RYR3: variants seen among roughly 807,000 people sequenced by gnomAD.
RYR3 encodes the protein brain ryanodine receptor-calcium release channel.
RYR3 carries 207 observed loss-of-function variants against 584.3 expected under a neutral mutation model. The ratio of observed to expected loss-of-function variants is 0.35; its 90% CI spans 0.32 to 0.40. The LOEUF is 0.40. Ranked by LOEUF, RYR3 falls within the 10% of genes least tolerant of loss-of-function variation. RYR3 has a pLI of 1.00. For synonymous variants in RYR3, 2,416 were observed against 2,248.5 expected, an observed-to-expected ratio of 1.07 and a Z score of -2.11; for missense variants, 5,616 against 6,089.2, an observed-to-expected ratio of 0.92 and a Z score of 2.59.
At chr15:33,546,603 A>T (rs1417050037) in intron 8 of RYR3, among the ~76,000 whole-genome samples, 1 of 152,224 alleles carries the variant, frequency 6.6e-6, no homozygotes, top group East Asian at 1.9e-4. Context: ...AAACATTTAT[A>T]AAAAACACTT....
chr15:33,319,482 A>G (rs1301301405), intron 1 of RYR3, among the ~76,000 whole-genome samples: 1 of 152,244 alleles, frequency 6.6e-6, no homozygotes, highest in Admixed American at 6.5e-5. Flanking sequence ...CAGGCTGGCT[A>G]GAAGAGAACA....
chr15:33,853,758 C>T (rs2079350114), intron 96 of RYR3, 76 bp downstream of exon 96: 3 of 1,539,724 alleles, frequency 1.9e-6, no homozygotes, highest in African/African-American at 2.7e-5. Flanking sequence ...GAAAAAATCA[C>T]AACCGTGTCT....
At chr15:33,863,944 C>T (rs1189393640) in intron 102 of RYR3, among the ~76,000 whole-genome samples, 194 bp from the exon 103 acceptor site, 1 of 152,120 alleles carries the variant, frequency 6.6e-6, no homozygotes, top group Admixed American at 6.5e-5. Flanking sequence ...CACAAAGTGG[C>T]TAATTTTGAG....
chr15:33,544,734 T>C (rs1249137177), intron 8 of RYR3, among the ~76,000 whole-genome samples: 2 of 152,156 alleles, frequency 1.3e-5, no homozygotes, highest in Non-Finnish European at 2.9e-5. Context: ...TCCTACTTGC[T>C]ATCTACTCTG....
intron 1 of RYR3, among the ~76,000 whole-genome samples, chr15:33,387,003 G>A (rs901355257): frequency 7.2e-5 from 11 of 151,964 alleles, no homozygotes; most frequent in South Asian, 4.2e-4. Context: ...GACTACAGGC[G>A]CCCACCACCA....
rs538713767 is a variant in RYR3 at position 33,774,147 on chromosome 15, G to A, written c.9137+532G>A. 7.6e-4 allele frequency among the ~76,000 whole-genome samples: 116 copies of A among 152,318 alleles called. 1 individual carries two copies. The highest frequency in any genetic ancestry group is 2.9e-3 in the South Asian group (14 of 4,828). On this transcript the variant is annotated intron_variant, in intron 64 of 103. Coordinates refer to ENST00000634891, the MANE Select transcript of RYR3 (RefSeq NM_001036.6). Reference sequence around the variant, plus strand: ...GTCTGAGCAAGCTGACTGCAGAAGCGTGTGGGTTCCAGTTTTGCCTCTCTA... The same window carrying A: ...GTCTGAGCAAGCTGACTGCAGAAGCATGTGGGTTCCAGTTTTGCCTCTCTA...
At chr15:33,336,440 AAGAGAGAGAGAG>A (rs1204873404) in intron 1 of RYR3, among the ~76,000 whole-genome samples, 645 of 12,122 alleles carry the variant, frequency 0.053, 125 homozygotes, top group Non-Finnish European at 0.066. Context: ...GAAAGAAAGA[AAGAGAGAGAGAG>A]AGAGAGAGAG....
chr15:33,711,539 G>A (rs905815968), intron 43 of RYR3, among the ~76,000 whole-genome samples: 4 of 152,130 alleles, frequency 2.6e-5, no homozygotes, highest in East Asian at 3.9e-4. Context: ...CACCGCACCC[G>A]GCTACCAGGC....
intron 43 of RYR3, among the ~76,000 whole-genome samples, chr15:33,719,158 T>A (rs2067714765): frequency 6.6e-6 from 1 of 152,226 alleles, no homozygotes; most frequent in Admixed American, 6.5e-5. Flanking sequence ...GCACTTCAGC[T>A]CCTTCGTCTT....
chr15:33,794,472 A>G (rs1372176160), intron 67 of RYR3, among the ~76,000 whole-genome samples: 1 of 151,092 alleles, frequency 6.6e-6, no homozygotes, highest in African/African-American at 2.4e-5. Context: ...TATCATAATA[A>G]CGTTAGCAGT....
At chr15:33,400,910 A>G (rs2042619136) in intron 1 of RYR3, among the ~76,000 whole-genome samples, 1 of 152,232 alleles carries the variant, frequency 6.6e-6, no homozygotes, top group South Asian at 2.1e-4. Flanking sequence ...TGGGTCAATC[A>G]TACTGACCTA....
chr15:33,599,834 A>G (rs636199), intron 16 of RYR3, among the ~76,000 whole-genome samples: 68,331 of 151,994 alleles, frequency 0.45, 15,997 homozygotes, highest in East Asian at 0.79. Context: ...TTCTTTAAGT[A>G]GCATCATTTA....
At chr15:33,370,518 A>G (rs140117101) in intron 1 of RYR3, among the ~76,000 whole-genome samples, 161 of 152,306 alleles carry the variant, frequency 1.1e-3, no homozygotes, top group African/African-American at 3.8e-3. Context: ...GCTGACTCCC[A>G]GTTCTTGGCT....
chr15:33,312,381 G>A (rs1039938397), intron 1 of RYR3, among the ~76,000 whole-genome samples: 2 of 152,102 alleles, frequency 1.3e-5, no homozygotes, highest in Non-Finnish European at 2.9e-5. Flanking sequence ...CTTATTTGGG[G>A]GGGGTATGGA....
intron 1 of RYR3, among the ~76,000 whole-genome samples, chr15:33,458,312 C>A (rs898319930): frequency 1.3e-5 from 2 of 152,158 alleles, no homozygotes; most frequent in African/African-American, 4.8e-5. Context: ...GGAAGAAGGG[C>A]AAATTCTCCC....
At chr15:33,525,871 C>T (rs557157996) in intron 3 of RYR3, among the ~76,000 whole-genome samples, 1 of 152,318 alleles carries the variant, frequency 6.6e-6, no homozygotes, top group South Asian at 2.1e-4. Context: ...AGAAAGACTT[C>T]TTTCTTCTGT....
chr15:33,625,113 T>G (rs2060917711), intron 20 of RYR3, among the ~76,000 whole-genome samples: 1 of 152,108 alleles, frequency 6.6e-6, no homozygotes. Flanking sequence ...AAACTTAAAA[T>G]CATGGCGGAA....
At chr15:33,314,678 G>T (rs187705488) in intron 1 of RYR3, among the ~76,000 whole-genome samples, 3 of 152,316 alleles carry the variant, frequency 2.0e-5, no homozygotes, top group Admixed American at 2.0e-4. Flanking sequence ...ACTTTGGGAG[G>T]CCGAGGCGGG....
chr15:33,347,764 A>T (rs1972655857), intron 1 of RYR3, among the ~76,000 whole-genome samples: 1 of 152,022 alleles, frequency 6.6e-6, no homozygotes, highest in South Asian at 2.1e-4. Context: ...CCCATCAATT[A>T]AACAAAATTT....
Sources: allele counts gnomAD v4.1 joint callset (sites outside exome capture counted in the v4.1 genomes callset), GRCh38; gene constraint gnomAD v4.1.1; transcripts MANE v1.5; gene names NCBI Gene and HGNC (gene_info 2026-07-23, HGNC 2026-07-21).